The following ELP3 variants were observed in gnomAD, a reference collection of about 807,000 sequenced individuals.
ELP3 encodes elongator complex protein 3.
A neutral mutation model predicts 74.9 loss-of-function variants in ELP3; 56 were observed. That is an observed-to-expected ratio of 0.75 (90% CI 0.60 to 0.93). The LOEUF (loss-of-function observed/expected upper bound fraction) is 0.93, where lower values mean the gene tolerates loss of function less well. ELP3 is among the 40% of genes least tolerant of loss of function. The probability of loss-of-function intolerance (pLI) is 0.00; values close to 1 mark genes in which losing one functional copy is unlikely to be tolerated. For missense variants in ELP3, 573 were observed against 686.5 expected, an observed-to-expected ratio of 0.83 and a Z score of 1.85; for synonymous variants, 222 against 239.8, an observed-to-expected ratio of 0.93 and a Z score of 0.68.
chr8:28,121,145 A>G (rs1289618612), intron 7 of ELP3, among the ~76,000 whole-genome samples: 2 of 152,138 alleles, frequency 1.3e-5, no homozygotes, highest in Non-Finnish European at 2.9e-5. Context: ...GCTTCTTGCA[A>G]TTCATGAACA....
intron 1 of ELP3, 140 bp downstream of exon 1, chr8:28,093,373 A>C: frequency 8.6e-7 from 1 of 1,166,380 alleles, no homozygotes; most frequent in Admixed American, 2.6e-5. Flanking sequence ...CAGTGTGTCC[A>C]TTCTGGTCCC....
intron 8 of ELP3, among the ~76,000 whole-genome samples, chr8:28,131,220 A>C (rs996544566): frequency 3.3e-5 from 5 of 152,232 alleles, no homozygotes; most frequent in Non-Finnish European, 7.3e-5. Context: ...ATTTGGCTAC[A>C]CTAAGTTTCA....
intron 8 of ELP3, 97 bp from the exon 9 acceptor site, chr8:28,132,181 C>T: frequency 7.5e-7 from 1 of 1,335,904 alleles, no homozygotes; most frequent in Non-Finnish European, 1.1e-6. Context: ...TTGTTTTCCC[C>T]TTGTTCCTTG....
At position 28,159,825 on chromosome 8, in the gene ELP3, T is replaced by G. The variant is rs546809864; in HGVS notation, c.1258-404T>G. On this transcript the variant is annotated intron_variant, in intron 12 of 14. Coordinates refer to ENST00000256398, the MANE Select transcript of ELP3 (RefSeq NM_018091.6). ...AGTGGAGGCGATAAGGACTAGAAGA[T>G]GAAACCCAAACCATTGAACACCTGA... 2.0e-3 allele frequency among the ~76,000 whole-genome samples: 299 copies of G among 152,272 alleles called. 1 individual carries two copies. The highest frequency in any genetic ancestry group is 6.7e-3 in the African/African-American group (277 of 41,562).
At chr8:28,141,790 A>G (rs150549433) in intron 10 of ELP3, among the ~76,000 whole-genome samples, 2 of 152,374 alleles carry the variant, frequency 1.3e-5, no homozygotes, top group African/African-American at 4.8e-5. Context: ...CAGAGACAAA[A>G]GAAAAAGACG....
chr8:28,102,805 G>T (rs1425558199), intron 3 of ELP3, among the ~76,000 whole-genome samples: 1 of 152,142 alleles, frequency 6.6e-6, no homozygotes, highest in Non-Finnish European at 1.5e-5. Context: ...ACATTCTGTA[G>T]GTTTTGCCAA....
At chr8:28,114,457 C>T (rs776100147) in intron 7 of ELP3, among the ~76,000 whole-genome samples, 2 of 152,094 alleles carry the variant, frequency 1.3e-5, no homozygotes, top group Non-Finnish European at 2.9e-5. Flanking sequence ...AGGAAGCTTC[C>T]AATCATGGTG....
At chr8:28,112,284 C>T (rs900721054) in intron 6 of ELP3, among the ~76,000 whole-genome samples, 6 of 151,978 alleles carry the variant, frequency 3.9e-5, no homozygotes, top group East Asian at 1.9e-4. Context: ...GCTGGGATTA[C>T]GGCATGTCTG....
intron 3 of ELP3, among the ~76,000 whole-genome samples, chr8:28,100,674 G>T (rs992583209): frequency 1.3e-5 from 2 of 152,232 alleles, no homozygotes; most frequent in Non-Finnish European, 2.9e-5. Flanking sequence ...TTTTGAAAAA[G>T]GTAGTAATAT....
intron 7 of ELP3, chr8:28,129,182 A>G (rs1812696558): frequency 5.2e-6 from 1 of 190,776 alleles, no homozygotes; most frequent in East Asian, 1.2e-4. Context: ...TTATGGTTGC[A>G]GCTTACTGCA....
intron 10 of ELP3, among the ~76,000 whole-genome samples, chr8:28,149,433 A>G (rs919840964): frequency 6.6e-6 from 1 of 152,172 alleles, no homozygotes; most frequent in Non-Finnish European, 1.5e-5. Flanking sequence ...GACTTTGTCC[A>G]TTTCATCTAG....
At chr8:28,110,486 A>T (rs767649301) in intron 6 of ELP3, 48 bp downstream of exon 6, 4 of 1,424,374 alleles carry the variant, frequency 2.8e-6, no homozygotes, top group South Asian at 2.5e-5. Context: ...GTTTATACTT[A>T]GTAAGAAGCC....
At chr8:28,176,861 C>G (rs181528880) in intron 14 of ELP3, among the ~76,000 whole-genome samples, 1 of 152,226 alleles carries the variant, frequency 6.6e-6, no homozygotes, top group African/African-American at 2.4e-5. Flanking sequence ...CTGATAGAAA[C>G]AGAGACCCTC....
At chr8:28,133,575 C>T (rs1161758868) in intron 9 of ELP3, among the ~76,000 whole-genome samples, 1 of 151,970 alleles carries the variant, frequency 6.6e-6, no homozygotes, top group East Asian at 1.9e-4. Flanking sequence ...TGAGATTGGT[C>T]AGGCCTTTTG....
chr8:28,135,171 G>A lies in ELP3; in HGVS notation c.907-2527G>A, dbSNP rs185170925. Among the ~76,000 whole-genome samples, 1,003 of 151,994 alleles carry A rather than the reference G, an allele frequency of 6.6e-3. 6 individuals are homozygous for A. The highest frequency in any genetic ancestry group is 0.021 in the African/African-American group (856 of 41,502). On this transcript the variant is annotated intron_variant, in intron 9 of 14. Transcript: ENST00000256398. Reference sequence around the variant, plus strand: ...TCTCGAACTTCTGACCTCGTGATCCGCCCGCCTCTGCCTCCCAAAGTGCTG... The same window carrying A: ...TCTCGAACTTCTGACCTCGTGATCCACCCGCCTCTGCCTCCCAAAGTGCTG...
rs528106395 is a variant in ELP3 at position 28,093,860 on chromosome 8, A to G, written c.19+627A>G. The stretch of plus-strand genomic sequence containing the variant: ...AATTGTTGTCAGAATAATAGCTACC[A>G]TTTATTGAGCTTGTATTTTGAAGTC... On this transcript the variant is annotated intron_variant, in intron 1 of 14. Coordinates refer to ENST00000256398, the MANE Select transcript of ELP3 (RefSeq NM_018091.6). 6.6e-5 allele frequency among the ~76,000 whole-genome samples: 10 copies of G among 152,316 alleles called. No individual in the cohort carries two copies. In the South Asian group the frequency reaches 1.9e-3, roughly 28 times the overall value.
Position 28,093,223 on chromosome 8 carries a change from G to A in ELP3, c.9G>A (p.Gln3=), listed in dbSNP as rs778638213. The change falls in exon 1 of 15, where the codon CAG becomes CAA. Residue 3 remains glutamine (Q), a synonymous_variant. Coordinates refer to ENST00000256398, the MANE Select transcript of ELP3 (RefSeq NM_018091.6). ...GCTACGGCGGCGCAGAAATGAGGCA[G>A]AAGCGGAAAGGTGCGAAAGGGGAAG... MR[Q]KRKGDLSPAE... 7 of 1,613,176 alleles carry A rather than the reference G, an allele frequency of 4.3e-6. No individual in the cohort carries two copies. The highest frequency in any genetic ancestry group is 1.3e-5 in the African/African-American group (1 of 74,926).
Position 28,110,428 on chromosome 8 carries a change from GA to G in ELP3, c.454del (p.Ile152Ter). The G allele has an allele frequency of 6.2e-7, 1 of 1,612,148 alleles. No individual in the cohort carries two copies. Among genetic ancestry groups the G allele is most frequent in the Non-Finnish European group, 8.5e-7 (1 of 1,179,208 alleles). ...RYDPFLQTRH[R>X]IEQLKQLGHS... is the part of the protein sequence containing the mutation. Reference sequence around the variant, plus strand: ...GACCCTTTCCTACAGACAAGACACCGAATAGAACAGGTACATTTTTAAAAAA... The same window carrying G: ...GACCCTTTCCTACAGACAAGACACCGATAGAACAGGTACATTTTTAAAAAA... On this transcript the variant is annotated frameshift_variant, in exon 6 of 15. Transcript: ENST00000256398. LOFTEE classifies it high-confidence loss of function.
intron 9 of ELP3, among the ~76,000 whole-genome samples, chr8:28,137,095 C>G (rs1318851374): frequency 6.6e-6 from 1 of 152,160 alleles, no homozygotes; most frequent in Non-Finnish European, 1.5e-5. Flanking sequence ...AACTTTTCCT[C>G]TAAAGGGCCC....
Sources: gnomAD v4.1 joint callset for allele counts (sites outside exome capture counted in the v4.1 genomes callset) on GRCh38, gnomAD v4.1.1 for gene constraint, MANE v1.5 for transcripts, NCBI Gene and HGNC (gene_info 2026-07-23, HGNC 2026-07-21) for gene names.